The following NSMAF variants were observed in gnomAD, a reference collection of about 807,000 sequenced individuals.
The protein encoded by NSMAF is protein FAN.
Under a neutral mutation model 134.9 loss-of-function variants are expected in NSMAF, and 90 were observed. That is an observed-to-expected ratio of 0.67 (90% CI 0.56 to 0.79). The LOEUF (loss-of-function observed/expected upper bound fraction) is 0.79, where lower values mean the gene tolerates loss of function less well. Ranked by LOEUF, NSMAF falls within the 30% of genes least tolerant of loss-of-function variation. The pLI is 0.00. For missense variants in NSMAF, 1,010 were observed against 1,119.0 expected, an observed-to-expected ratio of 0.90 and a Z score of 1.39; for synonymous variants, 358 against 389.6, an observed-to-expected ratio of 0.92 and a Z score of 0.96.
chr8:58,642,547 C>A (rs927325643), intron 2 of NSMAF, among the ~76,000 whole-genome samples: 1 of 152,124 alleles, frequency 6.6e-6, no homozygotes, highest in African/African-American at 2.4e-5. Flanking sequence ...TACTTTATAA[C>A]ATTGTCACCC....
intron 1 of NSMAF, among the ~76,000 whole-genome samples, chr8:58,649,856 G>A (rs556714120): frequency 2.0e-5 from 3 of 152,276 alleles, no homozygotes; most frequent in East Asian, 3.9e-4. Context: ...GCAGAACTGT[G>A]AGCCCATTAA....
At chr8:58,611,904 T>G (rs1321304051) in intron 9 of NSMAF, among the ~76,000 whole-genome samples, 3 of 152,154 alleles carry the variant, frequency 2.0e-5, no homozygotes, top group Non-Finnish European at 4.4e-5. Flanking sequence ...AGATATCAGT[T>G]CATAGATGCA....
intron 11 of NSMAF, among the ~76,000 whole-genome samples, chr8:58,606,641 T>C (rs1806417510): frequency 1.3e-5 from 2 of 152,158 alleles, no homozygotes; most frequent in South Asian, 2.1e-4. Flanking sequence ...TAATACATTA[T>C]TATTATCTTA....
intron 1 of NSMAF, chr8:58,659,047 G>A: frequency 1.5e-6 from 1 of 659,654 alleles, no homozygotes; most frequent in Non-Finnish European, 2.4e-6. Context: ...AAAGGAGTCG[G>A]CAGGAAAAAG....
chr8:58,620,475 A>G (rs1480527025), intron 9 of NSMAF, among the ~76,000 whole-genome samples: 1 of 152,210 alleles, frequency 6.6e-6, no homozygotes, highest in Non-Finnish European at 1.5e-5. Context: ...TTTAGGCTTT[A>G]TCCTGAAGGC....
intron 27 of NSMAF, among the ~76,000 whole-genome samples, chr8:58,586,835 T>C (rs889459418): frequency 6.6e-6 from 1 of 152,176 alleles, no homozygotes; most frequent in African/African-American, 2.4e-5. Context: ...AGAAATGAAG[T>C]ATTGCTAAAG....
intron 1 of NSMAF, among the ~76,000 whole-genome samples, chr8:58,652,803 A>C (rs986838278): frequency 1.3e-5 from 2 of 152,226 alleles, no homozygotes; most frequent in South Asian, 4.1e-4. Context: ...ACGGATTTTC[A>C]AAGCAAAAGG....
intron 14 of NSMAF, 144 bp downstream of exon 14, chr8:58,601,914 G>A (rs2129141209): frequency 3.1e-6 from 2 of 635,926 alleles, no homozygotes; most frequent in Non-Finnish European, 5.3e-6. Context: ...CTAATTCACG[G>A]TCAGGAGAAA....
At chr8:58,606,636 CATT>C (rs1334460460) in intron 11 of NSMAF, among the ~76,000 whole-genome samples, 1 of 152,072 alleles carries the variant, frequency 6.6e-6, no homozygotes, top group Non-Finnish European at 1.5e-5. Context: ...TCAATTAATA[CATT>C]ATTATTATCT....
intron 25 of NSMAF, 38 bp downstream of exon 25, chr8:58,589,969 G>A: frequency 6.4e-7 from 1 of 1,563,250 alleles, no homozygotes; most frequent in Non-Finnish European, 8.8e-7. Flanking sequence ...CAGCTATTCT[G>A]CACGTCGAAT....
At chr8:58,628,205 C>G (rs1376071863) in intron 6 of NSMAF, among the ~76,000 whole-genome samples, 1 of 152,116 alleles carries the variant, frequency 6.6e-6, no homozygotes, top group African/African-American at 2.4e-5. Context: ...GAAACTGGAT[C>G]CTTATCTCTT....
At chr8:58,606,127 A>G in intron 11 of NSMAF, 92 bp from the exon 12 acceptor site, 1 of 1,119,376 alleles carries the variant, frequency 8.9e-7, no homozygotes, top group Non-Finnish European at 1.2e-6. Context: ...ACATTCAGTT[A>G]AACATTTGTG....
In NSMAF at chr8:58,583,858, G is replaced by A. The variant is rs1022238151; in HGVS notation, c.*248C>T. Reference sequence around the variant, plus strand: ...TCCTGTCTTCTGACAATCATCATACGGGGACGATCATCTGCCTTACAGTGT... The same window carrying A: ...TCCTGTCTTCTGACAATCATCATACAGGGACGATCATCTGCCTTACAGTGT... On this transcript the variant is annotated 3_prime_UTR_variant, in exon 31 of 31. Coordinates refer to ENST00000038176, the MANE Select transcript of NSMAF (RefSeq NM_003580.4). 4.5e-5 allele frequency: 21 copies of A among 471,328 alleles called. No homozygotes were observed. Among genetic ancestry groups the A allele is most frequent in the Non-Finnish European group, 6.9e-5 (18 of 260,936 alleles). The allele number at this position is 471,328 out of a possible 1,614,324, so 29.2% of individuals were successfully genotyped here.
rs1021617757 is a variant in NSMAF at position 58,590,217 on chromosome 8, A to G, written c.2020-143T>C. Reference sequence around the variant, plus strand: ...CCTCCTATTTACGCAGATTTTCTCAACTGGCTAATTCCAGCTGTAGGGTTT... The same window carrying G: ...CCTCCTATTTACGCAGATTTTCTCAGCTGGCTAATTCCAGCTGTAGGGTTT... On this transcript the variant is annotated intron_variant, in intron 24 of 30. Transcript: ENST00000038176. The G allele has an allele frequency of 1.0e-5, 7 of 702,740 alleles. No homozygotes were observed. The African/African-American group carries it at 1.1e-4, about 11-fold the overall frequency. The allele number at this position is 702,740 out of a possible 1,614,324, so 43.5% of individuals were successfully genotyped here.
chr8:58,589,883 T>G, intron 25 of NSMAF, 124 bp downstream of exon 25: 1 of 753,670 alleles, frequency 1.3e-6, no homozygotes, highest in Non-Finnish European at 2.2e-6. Flanking sequence ...ATCTCTAATA[T>G]CTGTTCCCTT....
chr8:58,585,809 A>T, intron 29 of NSMAF, 48 bp from the exon 30 acceptor site: 1 of 1,593,858 alleles, frequency 6.3e-7, no homozygotes, highest in Non-Finnish European at 8.6e-7. Context: ...TGAAGGAAGG[A>T]TATGTTGAAC....
intron 10 of NSMAF, among the ~76,000 whole-genome samples, chr8:58,608,930 TG>T (rs1806465418): frequency 6.6e-6 from 1 of 152,244 alleles, no homozygotes; most frequent in South Asian, 2.1e-4. Flanking sequence ...GTTCTTTTAA[TG>T]GATCATGCTA....
intron 6 of NSMAF, among the ~76,000 whole-genome samples, chr8:58,626,778 T>C (rs1313322148): frequency 6.6e-6 from 1 of 152,230 alleles, no homozygotes; most frequent in Non-Finnish European, 1.5e-5. Context: ...CTTTAAGGAA[T>C]CTCTATACTG....
chr8:58,606,034 C>T lies in NSMAF; in HGVS notation c.761G>A (p.Gly254Asp). The change falls in exon 12 of 31, where the codon GGC (glycine) becomes GAC (aspartate). Residue 254 changes from glycine (G) to aspartate (D), a missense_variant and splice_region_variant. Physicochemically the swap from Gly to Asp is moderately conservative, Grantham distance 94. Transcript: ENST00000038176. The part of the protein sequence containing the change: ...YKRRHGLMPL[G>D]LEVFCTEDDL... ...ATCTTCTGTGCAAAATACTTCCAAG[C>T]CCTATAAATTCAAAAAGAAAATAAT... 5.2e-6 allele frequency: 8 copies of T among 1,534,622 alleles called. No individual in the cohort carries two copies. The highest frequency in any genetic ancestry group is 7.0e-6 in the Non-Finnish European group (8 of 1,135,334).
Sources: allele counts gnomAD v4.1 joint callset (sites outside exome capture counted in the v4.1 genomes callset), GRCh38; gene constraint gnomAD v4.1.1; transcripts MANE v1.5; gene names NCBI Gene and HGNC (gene_info 2026-07-23, HGNC 2026-07-21).